Variants in BRAF observed in about 807,000 individuals in gnomAD.
The protein encoded by BRAF is serine/threonine-protein kinase B-raf.
Under a neutral mutation model 104.6 loss-of-function variants are expected in BRAF, and 16 were observed. The ratio of observed to expected loss-of-function variants is 0.15; its 90% confidence interval spans 0.10 to 0.23. The LOEUF (loss-of-function observed/expected upper bound fraction) is 0.23, where lower values mean the gene tolerates loss of function less well. Among genes scored for constraint, BRAF ranks in the 10% least tolerant of loss-of-function variants. BRAF has a pLI of 1.00. For synonymous variants in BRAF, 310 were observed against 341.6 expected (o/e 0.91, Z 1.02); for missense variants, 541 against 937.3 (o/e 0.58, Z 5.52).
chr7:140,725,731 T>C lies in BRAF; in HGVS notation c.*763A>G, dbSNP rs1003615179. 7 of 1,060,216 alleles carry C rather than the reference T, an allele frequency of 6.6e-6. No individual in the cohort carries two copies. The African/African-American group carries it at 9.9e-5, about 15-fold the overall frequency. 65.7% of individuals were successfully genotyped at this position (1,060,216 alleles called of 1,614,324 possible). A position where few individuals can be genotyped will look rare whatever the true frequency, so the allele number is the denominator to read the frequency against. ...AAAAAACCCAAACACTTATCTTCAT[T>C]GCTGGACCCAATGAGAAAGAAGGCA... On this transcript the variant is annotated 3_prime_UTR_variant, in exon 20 of 20. Coordinates refer to ENST00000644969, the MANE Select transcript of BRAF (RefSeq NM_001374258.1).
intron 16 of BRAF, among the ~76,000 whole-genome samples, chr7:140,750,424 C>T (rs572299437): frequency 6.6e-6 from 1 of 152,258 alleles, no homozygotes; most frequent in South Asian, 2.1e-4. Context: ...AACCCCTCAA[C>T]GTCCAGACTA....
At chr7:140,731,253 G>A (rs928762789) in intron 19 of BRAF, 6 of 152,336 alleles carry the variant, frequency 3.9e-5, no homozygotes, top group South Asian at 2.1e-4. Flanking sequence ...CTGGGCTCAC[G>A]CGATCTGCCC....
At chr7:140,757,396 T>C (rs1798292329) in intron 14 of BRAF, among the ~76,000 whole-genome samples, 1 of 152,068 alleles carries the variant, frequency 6.6e-6, no homozygotes, top group African/African-American at 2.4e-5. Context: ...TTCAAGTGAT[T>C]CTCCTGCCTC....
At chr7:140,856,754 G>A (rs1809831399) in intron 1 of BRAF, among the ~76,000 whole-genome samples, 1 of 152,124 alleles carries the variant, frequency 6.6e-6, no homozygotes. Flanking sequence ...GGAGATATTT[G>A]AACAGAAGCT....
At chr7:140,883,697 T>C (rs1325344383) in intron 1 of BRAF, among the ~76,000 whole-genome samples, 1 of 152,226 alleles carries the variant, frequency 6.6e-6, no homozygotes, top group African/African-American at 2.4e-5. Context: ...GATTGTTATA[T>C]CCTGATTTAT....
intron 1 of BRAF, among the ~76,000 whole-genome samples, chr7:140,869,221 T>C (rs1811296970): frequency 6.6e-6 from 1 of 152,116 alleles, no homozygotes; most frequent in South Asian, 2.1e-4. Flanking sequence ...AGATAAAAGT[T>C]TGGAAGTTGA....
intron 1 of BRAF, among the ~76,000 whole-genome samples, chr7:140,879,445 G>C (rs1453942608): frequency 1.3e-5 from 2 of 151,304 alleles, no homozygotes; most frequent in Non-Finnish European, 2.9e-5. Context: ...CTCCCAAAGT[G>C]CTGGGATTAC....
chr7:140,763,242 C>T (rs570444009), intron 14 of BRAF, among the ~76,000 whole-genome samples: 3 of 151,454 alleles, frequency 2.0e-5, no homozygotes, highest in South Asian at 4.2e-4. Context: ...GGGGGCTGAC[C>T]CCCCAACCTC....
chr7:140,837,554 G>T (rs1362075001), intron 2 of BRAF, among the ~76,000 whole-genome samples: 1 of 152,106 alleles, frequency 6.6e-6, no homozygotes, highest in Non-Finnish European at 1.5e-5. Context: ...CAAATTTTGG[G>T]TAAGTCTGAC....
chr7:140,913,175 C>G (rs1316612767), intron 1 of BRAF, among the ~76,000 whole-genome samples: 1 of 151,966 alleles, frequency 6.6e-6, no homozygotes, highest in Non-Finnish European at 1.5e-5. Flanking sequence ...TTTCATTGCT[C>G]CACAGCACTT....
At chr7:140,851,271 C>T (rs1172935299) in intron 1 of BRAF, among the ~76,000 whole-genome samples, 2 of 152,054 alleles carry the variant, frequency 1.3e-5, no homozygotes, top group Non-Finnish European at 2.9e-5. Context: ...TTAGGTTATA[C>T]GGAAGATTCT....
intron 7 of BRAF, among the ~76,000 whole-genome samples, chr7:140,794,745 C>T (rs2129038333): frequency 6.6e-6 from 1 of 152,254 alleles, no homozygotes; most frequent in East Asian, 1.9e-4. Flanking sequence ...TAGAAATTAC[C>T]TGTGGCCATC....
chr7:140,725,038 C>T lies in BRAF; in HGVS notation c.*1456G>A. On this transcript the variant is annotated 3_prime_UTR_variant, in exon 20 of 20. Coordinates refer to ENST00000644969, the MANE Select transcript of BRAF (RefSeq NM_001374258.1). Reference sequence around the variant, plus strand: ...CAGCTTTCCCACACCCTCCCTCAGTCCTAATATCCCTAAAATTGCTCTATT... The same window carrying T: ...CAGCTTTCCCACACCCTCCCTCAGTTCTAATATCCCTAAAATTGCTCTATT... 9.6e-7 allele frequency: 1 copy of T among 1,046,694 alleles called. No homozygotes were observed. Among genetic ancestry groups the T allele is most frequent in the East Asian group, 5.6e-5 (1 of 17,818 alleles). The allele number at this position is 1,046,694 out of a possible 1,614,324, so 64.8% of individuals were successfully genotyped here.
At chr7:140,803,355 T>C (rs1333333551) in intron 5 of BRAF, among the ~76,000 whole-genome samples, 1 of 152,056 alleles carries the variant, frequency 6.6e-6, no homozygotes, top group African/African-American at 2.4e-5. Context: ...ATAAATACAA[T>C]CTACATAATA....
intron 1 of BRAF, among the ~76,000 whole-genome samples, chr7:140,851,682 G>A (rs1000214366): frequency 1.3e-5 from 2 of 152,134 alleles, no homozygotes; most frequent in Non-Finnish European, 2.9e-5. Flanking sequence ...AATGTATCAA[G>A]TCAAGTCCCT....
chr7:140,804,339 G>C (rs971069425), intron 5 of BRAF, among the ~76,000 whole-genome samples: 3 of 151,596 alleles, frequency 2.0e-5, no homozygotes, highest in African/African-American at 7.3e-5. Context: ...CGAGCAGCTA[G>C]GACTATAGGC....
intron 19 of BRAF, chr7:140,726,658 A>C: frequency 1.4e-6 from 1 of 731,844 alleles, no homozygotes. Context: ...TTTAAAAGCA[A>C]AAACGGCTGA....
chr7:140,920,539 C>A (rs905071102), intron 1 of BRAF, among the ~76,000 whole-genome samples: 2 of 152,206 alleles, frequency 1.3e-5, no homozygotes, highest in Non-Finnish European at 2.9e-5. Context: ...ACTGTTCTAG[C>A]CTGTTACCCT....
intron 1 of BRAF, among the ~76,000 whole-genome samples, chr7:140,872,786 C>G (rs977936447): frequency 6.6e-6 from 1 of 152,108 alleles, no homozygotes; most frequent in Non-Finnish European, 1.5e-5. Context: ...TCACTTGAGC[C>G]CATGAGGTGG....
Sources: allele counts gnomAD v4.1 joint callset (sites outside exome capture counted in the v4.1 genomes callset), GRCh38; gene constraint gnomAD v4.1.1; transcripts MANE v1.5; gene names NCBI Gene and HGNC (gene_info 2026-07-23, HGNC 2026-07-21).